The following DNMT1 variants were observed in gnomAD, a reference collection of about 807,000 sequenced individuals.
DNMT1 encodes DNA (cytosine-5)-methyltransferase 1.
In DNMT1, 24 loss-of-function variants were observed where a neutral mutation model predicts 205.3. That is an observed-to-expected ratio of 0.12 (90% CI 0.08 to 0.16). DNMT1 has a LOEUF of 0.16. Among genes scored for constraint, DNMT1 ranks in the 10% least tolerant of loss-of-function variants. The pLI, the probability that DNMT1 is intolerant of heterozygous loss-of-function variation, is 1.00. For missense variants in DNMT1, 1,293 were observed against 2,177.7 expected (o/e 0.59, Z 8.09); for synonymous variants, 817 against 839.8 (o/e 0.97, Z 0.47).
intron 2 of DNMT1, among the ~76,000 whole-genome samples, 178 bp downstream of exon 2, chr19:10,181,863 C>CA (rs1342737050): frequency 6.6e-6 from 1 of 151,880 alleles, no homozygotes; most frequent in Non-Finnish European, 1.5e-5. Flanking sequence ...AAAACACCAC[C>CA]ACCACCCAAC....
At chr19:10,145,101 A>G (rs187342213) in intron 28 of DNMT1, among the ~76,000 whole-genome samples, 80 of 152,362 alleles carry the variant, frequency 5.3e-4, no homozygotes, top group Non-Finnish European at 7.3e-4. Context: ...CTGGAGGCCA[A>G]TGTAAGGCGC....
chr19:10,191,093 G>A (rs905685127), intron 1 of DNMT1, among the ~76,000 whole-genome samples: 24 of 151,266 alleles, frequency 1.6e-4, no homozygotes, highest in South Asian at 6.3e-4. Context: ...CAGCCTGGGC[G>A]ACAGAGCAAG....
At position 10,137,914 on chromosome 19, in the gene DNMT1, TAGG is replaced by T. The variant is rs2089524256; in HGVS notation, c.4208_4210del (p.Ser1403del). On this transcript the variant is annotated inframe_deletion, in exon 36 of 41. Transcript: ENST00000359526. The surrounding 1 kb of genome is among the most constrained non-coding windows in gnomAD (Gnocchi z 6.4). ...GAACCAGGACTGAGGCTCCCCGTTG[TAGG>T]AGATCTCCAGTGCCGAGGCTCCATT... The T allele has an allele frequency of 1.2e-6, 2 of 1,613,192 alleles. No individual in the cohort carries two copies. The highest frequency in any genetic ancestry group is 1.7e-6 in the Non-Finnish European group (2 of 1,179,778).
chr19:10,189,715 G>A (rs1261124285), intron 1 of DNMT1, among the ~76,000 whole-genome samples: 5 of 151,902 alleles, frequency 3.3e-5, no homozygotes, highest in Admixed American at 2.0e-4. Flanking sequence ...CACTGCACAC[G>A]GCCTAGTCTA....
chr19:10,155,758 T>G, intron 19 of DNMT1, 95 bp downstream of exon 19: 2 of 1,342,728 alleles, frequency 1.5e-6, no homozygotes, highest in Non-Finnish European at 2.1e-6. Context: ...GCAAGCCTGC[T>G]GAGAATTCCC....
chr19:10,162,878 C>T, intron 12 of DNMT1, 130 bp from the exon 13 acceptor site: 1 of 961,440 alleles, frequency 1.0e-6, no homozygotes, highest in Non-Finnish European at 1.6e-6. Context: ...TCTATAGGCA[C>T]ACTGCCAGCT....
intron 12 of DNMT1, 109 bp from the exon 13 acceptor site, chr19:10,162,857 C>T (rs2038603648): frequency 8.3e-7 from 1 of 1,208,416 alleles, no homozygotes; most frequent in Non-Finnish European, 1.2e-6. Flanking sequence ...AAGCAAGATA[C>T]CCATGGGAGC....
Position 10,133,785 on chromosome 19 carries a change from A to C in DNMT1, c.4865-84T>G. The C allele has an allele frequency of 7.1e-7, 1 of 1,411,154 alleles. No individual in the cohort carries two copies. The highest frequency in any genetic ancestry group is 9.8e-7 in the Non-Finnish European group (1 of 1,019,132). The allele number at this position is 1,411,154 out of a possible 1,614,324, so 87.4% of individuals were successfully genotyped here. A position where few individuals can be genotyped will look rare whatever the true frequency, so the allele number is the denominator to read the frequency against. ...GACAGGCGAGTAACAGACATGGACCATCAGGAAACATTAACGTACTGATGT... is the reference window on the plus strand; with the variant it reads ...GACAGGCGAGTAACAGACATGGACCCTCAGGAAACATTAACGTACTGATGT... On this transcript the variant is annotated intron_variant, in intron 40 of 40. Transcript: ENST00000359526. This position sits in a 1 kb window ranked among gnomAD's most constrained non-coding sequence, Gnocchi z 4.1.
chr19:10,157,535 G>A (rs546401159), intron 17 of DNMT1, among the ~76,000 whole-genome samples: 15 of 152,256 alleles, frequency 9.9e-5, no homozygotes, highest in African/African-American at 3.6e-4. Context: ...TGCTCATCTA[G>A]ACAAGGACCA....
chr19:10,142,632 G>A (rs1568225260), intron 29 of DNMT1, among the ~76,000 whole-genome samples: 1 of 151,040 alleles, frequency 6.6e-6, no homozygotes, highest in Admixed American at 6.6e-5. Context: ...CGACCCAGTT[G>A]GGAACCGCAG....
Position 10,194,895 on chromosome 19 carries a change from G to A in DNMT1, c.5C>T (p.Pro2Leu), listed in dbSNP as rs1248298976. Residue 2 changes from proline (P) to leucine (L), a missense_variant, in exon 1 of 41, where the codon CCG (proline) becomes CTG (leucine). Pro to Leu is a moderately conservative substitution (Grantham distance 98). Around this residue, in one of 13 missense-constraint regions of DNMT1, gnomAD observed 394 missense variants for 451.6 expected, o/e 0.87. Coordinates refer to ENST00000359526, the MANE Select transcript of DNMT1 (RefSeq NM_001130823.3). M[P>L]ARTAPARVPT... is the part of the protein sequence containing the mutation. ...CACCCGGGCTGGGGCGGTACGCGCC[G>A]GCATCTCGGAGGCTTCAGCAGACGC... The A allele has an allele frequency of 3.7e-6, 6 of 1,608,574 alleles. No homozygotes were observed. Among genetic ancestry groups the A allele is most frequent in the East Asian group, 2.2e-5 (1 of 44,584 alleles).
At position 10,159,903 on chromosome 19, in the gene DNMT1, A is replaced by C. The variant is rs1326232301; in HGVS notation, c.1109T>G (p.Ile370Ser). Residue 370 changes from isoleucine (I) to serine (S), a missense_variant, in exon 16 of 41, where the codon ATT becomes AGT. Ile to Ser is a moderately radical substitution (Grantham distance 142). Around this residue, in one of 13 missense-constraint regions of DNMT1, gnomAD observed 120 missense variants for 315.9 expected, o/e 0.38. Transcript: ENST00000359526. The surrounding 1 kb of genome is among the most constrained non-coding windows in gnomAD (Gnocchi z 5.0). ...GTCGTCCAGGTACTGCCCGCACTGA[A>C]TGCACTTGGGAGGGTGGGTCTGTGG... is the stretch of plus-strand genomic sequence containing the variant. Reference protein sequence around the residue: ...MNSKTHPPKCIQCGQYLDDPD... With the variant: ...MNSKTHPPKCSQCGQYLDDPD... The C allele has an allele frequency of 6.2e-7, 1 of 1,614,046 alleles. No homozygotes were observed. Among genetic ancestry groups the C allele is most frequent in the Non-Finnish European group, 8.5e-7 (1 of 1,180,022 alleles).
At chr19:10,136,490 C>T (rs62106217) in intron 37 of DNMT1, among the ~76,000 whole-genome samples, 212 of 152,304 alleles carry the variant, frequency 1.4e-3, no homozygotes, top group Non-Finnish European at 2.2e-3. Context: ...GGCTGGAGTG[C>T]AATGGCATGA....
chr19:10,149,592 C>G lies in DNMT1; in HGVS notation c.2447G>C (p.Gly816Ala), dbSNP rs2038290965. The change falls in exon 26 of 41, where the codon GGG (glycine) becomes GCG (alanine). Residue 816 changes from glycine (G) to alanine (A), a missense_variant. Gly to Ala is a moderately conservative substitution (Grantham distance 60). Around this residue, in one of 13 missense-constraint regions of DNMT1, gnomAD observed 197 missense variants for 353.6 expected, o/e 0.56. Coordinates refer to ENST00000359526, the MANE Select transcript of DNMT1 (RefSeq NM_001130823.3). ...QMFHAHWFCA[G>A]TDTVLGATSD... Reference sequence around the variant, plus strand: ...CGTGGCCCCGAGGACTGTGTCTGTCCCAGCGCAGAACCAGTGGGCGTGAAA... The same window carrying G: ...CGTGGCCCCGAGGACTGTGTCTGTCGCAGCGCAGAACCAGTGGGCGTGAAA... 6.2e-7 allele frequency: 1 copy of G among 1,614,004 alleles called. No homozygotes were observed. The highest frequency in any genetic ancestry group is 8.5e-7 in the Non-Finnish European group (1 of 1,180,010).
Position 10,162,620 on chromosome 19 carries a change from G to GAAA in DNMT1, c.1008+44_1008+46dup, listed in dbSNP as rs573823039. 368 of 1,315,352 alleles carry GAAA rather than the reference G, an allele frequency of 2.8e-4. 10 individuals are homozygous for GAAA. Among genetic ancestry groups the GAAA allele is most frequent in the South Asian group, 6.0e-4 (45 of 75,520 alleles). The allele number at this position is 1,315,352 out of a possible 1,614,324, so 81.5% of individuals were successfully genotyped here. ...CAACATGGCGAAACCCCGTCTTGGGGAAAAAAAAAAAAAAAAAAAAGAAAG... is the reference window on the plus strand; with the variant it reads ...CAACATGGCGAAACCCCGTCTTGGGGAAAAAAAAAAAAAAAAAAAAAAAGAAAG... On this transcript the variant is annotated intron_variant, in intron 13 of 40. Transcript: ENST00000359526.
intron 9 of DNMT1, among the ~76,000 whole-genome samples, chr19:10,171,207 A>G (rs1177575395): frequency 8.6e-6 from 1 of 116,296 alleles, no homozygotes; most frequent in Admixed American, 8.4e-5. Flanking sequence ...AAAGAAGATG[A>G]GGGACTGGGG....
rs2089571907 is a variant in DNMT1, at chr19:10,140,039, C to T, written c.3806+7G>A. ...CTGGCAACACTGGGGGGCTTCTACCCGTTTACCTGAGGAAGGAAACCACCA... is the reference window on the plus strand; with the variant it reads ...CTGGCAACACTGGGGGGCTTCTACCTGTTTACCTGAGGAAGGAAACCACCA... On this transcript the variant is annotated splice_region_variant and intron_variant, in intron 33 of 40. Coordinates refer to ENST00000359526, the MANE Select transcript of DNMT1 (RefSeq NM_001130823.3). This position sits in a 1 kb window ranked among gnomAD's most constrained non-coding sequence, Gnocchi z 8.4. 6.8e-6 allele frequency: 11 copies of T among 1,607,328 alleles called. No homozygotes were observed. Among genetic ancestry groups the T allele is most frequent in the Non-Finnish European group, 8.5e-6 (10 of 1,180,010 alleles).
Position 10,140,946 on chromosome 19 carries a change from A to G in DNMT1, c.3395-37T>C. 4 of 1,613,788 alleles carry G rather than the reference A, an allele frequency of 2.5e-6. No individual in the cohort carries two copies. The highest frequency in any genetic ancestry group is 1.1e-5 in the South Asian group (1 of 91,086). ...AGGCCAGAGGCTAAACCCGATCCTC[A>G]GAGTCCAAGTCCACCTTGCTCTCAA... is the stretch of plus-strand genomic sequence containing the variant. On this transcript the variant is annotated intron_variant, in intron 31 of 40. Coordinates refer to ENST00000359526, the MANE Select transcript of DNMT1 (RefSeq NM_001130823.3). The surrounding 1 kb of genome is among the most constrained non-coding windows in gnomAD (Gnocchi z 8.4).
intron 9 of DNMT1, among the ~76,000 whole-genome samples, chr19:10,172,348 G>A (rs1028984859): frequency 2.0e-5 from 3 of 148,768 alleles, no homozygotes; most frequent in Non-Finnish European, 4.5e-5. Context: ...AGAGGTTGCG[G>A]TGAGACAAGA....
Sources: allele counts gnomAD v4.1 joint callset (sites outside exome capture counted in the v4.1 genomes callset), GRCh38; gene constraint gnomAD v4.1.1; regional missense constraint gnomAD v4.1.1; non-coding constraint Gnocchi (gnomAD v3.1); transcripts MANE v1.5; gene names NCBI Gene and HGNC (gene_info 2026-07-23, HGNC 2026-07-21).